SAMD12: variants seen among roughly 807,000 people sequenced by gnomAD.
SAMD12 encodes the protein sterile alpha motif domain containing 12.
A neutral mutation model predicts 15.0 loss-of-function variants in SAMD12; 9 were observed. The observed-to-expected ratio is 0.60, with a 90% CI of 0.36 to 1.05. The LOEUF is 1.05. Ranked by LOEUF, SAMD12 falls within the 50% of genes least tolerant of loss-of-function variation. SAMD12 has a pLI of 0.01. For synonymous variants in SAMD12, 86 were observed against 90.1 expected, an observed-to-expected ratio of 0.96 and a Z score of 0.25; for missense variants, 230 against 234.2, an observed-to-expected ratio of 0.98 and a Z score of 0.12.
At chr8:118,360,798 G>C (rs1818457126) in intron 4 of SAMD12, among the ~76,000 whole-genome samples, 1 of 152,164 alleles carries the variant, frequency 6.6e-6, no homozygotes, top group East Asian at 1.9e-4. Flanking sequence ...TTCTTTAATT[G>C]CATTTGTTTT....
intron 4 of SAMD12, among the ~76,000 whole-genome samples, chr8:118,226,344 A>C (rs1433525828): frequency 6.6e-6 from 1 of 152,190 alleles, no homozygotes; most frequent in Non-Finnish European, 1.5e-5. Flanking sequence ...CCTCATACCG[A>C]ACCCAGATTT....
At chr8:118,327,778 G>A (rs1163294617) in intron 4 of SAMD12, among the ~76,000 whole-genome samples, 4 of 152,094 alleles carry the variant, frequency 2.6e-5, no homozygotes, top group Admixed American at 2.0e-4. Context: ...CCTTTTATTG[G>A]CAGAAGGGTG....
intron 2 of SAMD12, among the ~76,000 whole-genome samples, chr8:118,481,567 T>C (rs1824127688): frequency 6.6e-6 from 1 of 152,140 alleles, no homozygotes; most frequent in South Asian, 2.1e-4. Flanking sequence ...CCTAACAGGC[T>C]TTGTAGAGGA....
At chr8:118,536,936 C>T (rs1254990042) in intron 2 of SAMD12, among the ~76,000 whole-genome samples, 1 of 152,166 alleles carries the variant, frequency 6.6e-6, no homozygotes, top group Non-Finnish European at 1.5e-5. Flanking sequence ...TCAAGAACTT[C>T]CCTTAGTATT....
Position 118,386,866 on chromosome 8 carries a change from C to T in SAMD12, c.323-7166G>A, listed in dbSNP as rs182241858. 7.3e-4 allele frequency among the ~76,000 whole-genome samples: 111 copies of T among 152,310 alleles called. 1 individual carries two copies. Among genetic ancestry groups the T allele is most frequent in the East Asian group, 5.4e-3 (28 of 5,182 alleles). On this transcript the variant is annotated intron_variant, in intron 3 of 3. Coordinates refer to ENST00000314727, the MANE Select transcript of SAMD12 (RefSeq NM_207506.3). ...GAAGCTGGAGGTGAGCCAAGAGTGG[C>T]CTCAGACCCTGTCCTATTGGGAAAT...
At chr8:118,618,551 C>A in intron 1 of SAMD12, among the ~76,000 whole-genome samples, 1 of 152,214 alleles carries the variant, frequency 6.6e-6, no homozygotes, top group African/African-American at 2.4e-5. Flanking sequence ...ATTTAATCCT[C>A]ACAATGAGCA....
intron 2 of SAMD12, among the ~76,000 whole-genome samples, chr8:118,562,902 G>A (rs561607948): frequency 6.6e-6 from 1 of 152,170 alleles, no homozygotes; most frequent in Non-Finnish European, 1.5e-5. Flanking sequence ...TGGAGATAAG[G>A]AGCTGTCATC....
chr8:118,384,001 G>T (rs1207069892), intron 3 of SAMD12, among the ~76,000 whole-genome samples: 1 of 152,058 alleles, frequency 6.6e-6, no homozygotes, highest in Non-Finnish European at 1.5e-5. Flanking sequence ...TGAAGAAAAA[G>T]CAGAATGAAG....
intron 3 of SAMD12, among the ~76,000 whole-genome samples, chr8:118,382,309 CA>C (rs963888453): frequency 6.6e-6 from 1 of 152,188 alleles, no homozygotes; most frequent in Non-Finnish European, 1.5e-5. Flanking sequence ...TGATAAGACA[CA>C]TGGCTGCTTT....
chr8:118,459,534 G>A (rs1259817132), intron 2 of SAMD12, among the ~76,000 whole-genome samples: 1 of 152,114 alleles, frequency 6.6e-6, no homozygotes, highest in Non-Finnish European at 1.5e-5. Flanking sequence ...ATTAAAAGCA[G>A]GTATACGCCA....
intron 3 of SAMD12, among the ~76,000 whole-genome samples, chr8:118,419,933 G>A (rs1821917547): frequency 2.0e-5 from 3 of 152,194 alleles, no homozygotes; most frequent in Non-Finnish European, 4.4e-5. Context: ...GGGGAAAGAT[G>A]CTGAAAATTT....
intron 4 of SAMD12, among the ~76,000 whole-genome samples, chr8:118,337,200 A>G (rs752017596): frequency 5.9e-5 from 9 of 152,154 alleles, no homozygotes; most frequent in African/African-American, 2.2e-4. Flanking sequence ...ATAAAAAAAA[A>G]AGAGAAATTT....
chr8:118,455,268 C>CCTCT (rs57371997), intron 2 of SAMD12, among the ~76,000 whole-genome samples: 2,049 of 148,710 alleles, frequency 0.014, 21 homozygotes, highest in Middle Eastern at 0.056. Context: ...GGCTTTCACA[C>CCTCT]CTCTCTCTCT....
chr8:118,511,446 GTTTTT>G (rs1825077370), intron 2 of SAMD12, among the ~76,000 whole-genome samples: 1 of 142,012 alleles, frequency 7.0e-6, no homozygotes, highest in African/African-American at 2.5e-5. Context: ...TCTTGTTTTT[GTTTTT>G]GTTTTTTTTT....
chr8:118,431,458 G>T (rs1822403786), intron 3 of SAMD12, among the ~76,000 whole-genome samples: 2 of 151,838 alleles, frequency 1.3e-5, no homozygotes, highest in African/African-American at 2.4e-5. Flanking sequence ...TGTTTGTTTG[G>T]GCAAGCCTTT....
At chr8:118,202,863 A>G (rs982494580) in intron 4 of SAMD12, among the ~76,000 whole-genome samples, 3 of 152,250 alleles carry the variant, frequency 2.0e-5, no homozygotes, top group Non-Finnish European at 2.9e-5. Context: ...AGTGAGATCC[A>G]TGGTTGCCCC....
exon 5 of SAMD12, chr8:118,193,577 C>T (rs980625552): frequency 1.3e-5 from 2 of 152,200 alleles, no homozygotes; most frequent in African/African-American, 2.4e-5. Context: ...ATTAATTAAT[C>T]TTCCAGATGA....
At chr8:118,216,735 G>A (rs1811969842) in intron 4 of SAMD12, among the ~76,000 whole-genome samples, 1 of 152,174 alleles carries the variant, frequency 6.6e-6, no homozygotes, top group Non-Finnish European at 1.5e-5. Flanking sequence ...AATAACTGAT[G>A]TGCATAATGA....
chr8:118,508,392 G>GA (rs910816500), intron 2 of SAMD12, among the ~76,000 whole-genome samples: 4 of 151,750 alleles, frequency 2.6e-5, no homozygotes, highest in African/African-American at 9.7e-5. Context: ...AAAAAATAGA[G>GA]AAAAAAAAGT....
Sources: gnomAD v4.1 joint callset for allele counts (sites outside exome capture counted in the v4.1 genomes callset) on GRCh38, gnomAD v4.1.1 for gene constraint, MANE v1.5 for transcripts, NCBI Gene and HGNC (gene_info 2026-07-23, HGNC 2026-07-21) for gene names.